Variants in ZNF831 observed in about 807,000 individuals in gnomAD.
ZNF831 encodes the protein chromosome 20 open reading frame 174.
A neutral mutation model predicts 95.8 loss-of-function variants in ZNF831; 59 were observed. That is an observed-to-expected ratio of 0.62 (90% CI 0.50 to 0.77). The LOEUF is 0.77. Ranked by LOEUF, ZNF831 falls within the 30% of genes least tolerant of loss-of-function variation. ZNF831 has a pLI of 0.00. For missense variants in ZNF831, 2,205 were observed against 2,164.0 expected (o/e 1.02, Z -0.38); for synonymous variants, 961 against 925.5 (o/e 1.04, Z -0.70).
intron 1 of ZNF831, among the ~76,000 whole-genome samples, chr20:59,129,718 C>G (rs1202193470): frequency 6.6e-6 from 1 of 152,212 alleles, no homozygotes; most frequent in Non-Finnish European, 1.5e-5. Flanking sequence ...TCCCTAACCT[C>G]TGGCCAGCAC....
At chr20:59,177,446 G>A (rs1386423179) in intron 1 of ZNF831, among the ~76,000 whole-genome samples, 1 of 152,210 alleles carries the variant, frequency 6.6e-6, no homozygotes. Context: ...TGCACTGGCT[G>A]TTTGCATCCA....
intron 1 of ZNF831, among the ~76,000 whole-genome samples, chr20:59,130,903 C>T (rs986276819): frequency 6.6e-6 from 1 of 152,122 alleles, no homozygotes; most frequent in Non-Finnish European, 1.5e-5. Flanking sequence ...TGGCTGAGCT[C>T]TGTGAGCCCC....
At position 59,134,135 on chromosome 20, in the gene ZNF831, A is replaced by G. The variant is rs573152031; in HGVS notation, c.-1425+10630A>G. Among the ~76,000 whole-genome samples, 16 of 152,326 alleles carry G rather than the reference A, an allele frequency of 1.1e-4. No individual in the cohort carries two copies. In the South Asian group the frequency reaches 2.9e-3, roughly 28 times the overall value. ...ACCCCAGAACCCTCTAATGTGGACT[A>G]TCATGCCCAGAATCTTGCTGAATGG... On this transcript the variant is annotated intron_variant, in intron 1 of 7. Transcript: ENST00000637017.
intron 1 of ZNF831, among the ~76,000 whole-genome samples, chr20:59,184,185 TC>T (rs1327130010): frequency 6.6e-6 from 1 of 152,224 alleles, no homozygotes; most frequent in Non-Finnish European, 1.5e-5. Flanking sequence ...TTCCTCTCTG[TC>T]TTTCTGTGGC....
chr20:59,180,901 C>T (rs769455810), intron 1 of ZNF831, among the ~76,000 whole-genome samples: 6 of 152,258 alleles, frequency 3.9e-5, no homozygotes, highest in South Asian at 2.1e-4. Context: ...GTCATGGGAT[C>T]GCTGGGTCAA....
At chr20:59,167,378 T>A (rs987718385) in intron 1 of ZNF831, among the ~76,000 whole-genome samples, 2 of 152,074 alleles carry the variant, frequency 1.3e-5, no homozygotes, top group African/African-American at 4.8e-5. Flanking sequence ...TTTCTCCAGA[T>A]CTGTAGCTAG....
intron 4 of ZNF831, among the ~76,000 whole-genome samples, chr20:59,246,081 G>C (rs73915988): frequency 0.014 from 2,185 of 152,258 alleles, 55 homozygotes; most frequent in African/African-American, 0.05. Context: ...GCCTGGGCCA[G>C]CTCACCTCTC....
intron 4 of ZNF831, among the ~76,000 whole-genome samples, chr20:59,232,374 CAA>C (rs1038865683): frequency 6.6e-6 from 1 of 151,904 alleles, no homozygotes; most frequent in Non-Finnish European, 1.5e-5. Flanking sequence ...GGAGCAGAGT[CAA>C]ATCATTATTG....
At chr20:59,162,715 G>T (rs1199750267), upstream of ZNF831, among the ~76,000 whole-genome samples, 1 of 152,160 alleles carries the variant, frequency 6.6e-6, no homozygotes, top group African/African-American at 2.4e-5. Context: ...ATAGTTTGAA[G>T]TCAGATAATG....
At chr20:59,167,164 A>G (rs1329488669) in intron 1 of ZNF831, among the ~76,000 whole-genome samples, 2 of 152,134 alleles carry the variant, frequency 1.3e-5, no homozygotes, top group African/African-American at 2.4e-5. Flanking sequence ...GCTTTAATTT[A>G]TATTTCCCAG....
Position 59,254,251 on chromosome 20 carries a change from A to C in ZNF831, c.4542A>C (p.Arg1514=), listed in dbSNP as rs1438391916. Residue 1514 remains arginine (R), a synonymous_variant, in exon 6 of 6, where the codon CGA becomes CGC. Coordinates refer to ENST00000371030, the MANE Select transcript of ZNF831 (RefSeq NM_178457.3). The surrounding 1 kb of genome is among the most constrained non-coding windows in gnomAD (Gnocchi z 4.5). ...IAQEIHSAES[R]DHSQTAGRTL... ...AGGAAATTCACAGTGCTGAATCACG[A>C]GACCACAGCCAGACTGCAGGGAGGA... The C allele has an allele frequency of 1.1e-5, 17 of 1,614,012 alleles. No individual in the cohort carries two copies. The highest frequency in any genetic ancestry group is 6.7e-5 in the Admixed American group (4 of 59,998).
chr20:59,209,291 G>A (rs1039561213), intron 4 of ZNF831, among the ~76,000 whole-genome samples: 2 of 152,238 alleles, frequency 1.3e-5, no homozygotes, highest in African/African-American at 4.8e-5. Flanking sequence ...CATACTGAGT[G>A]CCCATGAGTG....
At chr20:59,216,319 CA>C (rs56270927) in intron 4 of ZNF831, among the ~76,000 whole-genome samples, 2,259 of 152,322 alleles carry the variant, frequency 0.015, 15 homozygotes, top group South Asian at 0.03. Flanking sequence ...CAACATTCTG[CA>C]AAGACCCTCC....
chr20:59,128,306 G>A (rs77486284), intron 1 of ZNF831, among the ~76,000 whole-genome samples: 3,033 of 152,270 alleles, frequency 0.02, 39 homozygotes, highest in Middle Eastern at 0.048. Flanking sequence ...AGTGGCCAGC[G>A]TGCATACTCC....
chr20:59,206,868 A>C, intron 3 of ZNF831, 37 bp from the exon 4 acceptor site: 3 of 1,602,628 alleles, frequency 1.9e-6, no homozygotes, highest in Non-Finnish European at 2.6e-6. Flanking sequence ...TGTGCTCTCC[A>C]GGCTGGTTAC....
chr20:59,200,081 C>T (rs777917593), intron 3 of ZNF831, among the ~76,000 whole-genome samples: 4 of 152,178 alleles, frequency 2.6e-5, no homozygotes, highest in African/African-American at 4.8e-5. Context: ...TGTTAGACTA[C>T]TCATCTGTCT....
rs767838685 is a variant in ZNF831, at chr20:59,192,729, G to T, written c.1710G>T (p.Leu570=). 6.2e-7 allele frequency: 1 copy of T among 1,609,118 alleles called. No individual in the cohort carries two copies. ...TCAGACAGGCCGCGGTGGAGGACCT[G>T]CCAGGCACCCCCATTGGCGATGCCC... ...ALVRQAAVED[L]PGTPIGDALV... The change falls in exon 2 of 6, where the codon CTG becomes CTT. Residue 570 remains leucine (L), a synonymous_variant. Coordinates refer to ENST00000371030, the MANE Select transcript of ZNF831 (RefSeq NM_178457.3). This position sits in a 1 kb window ranked among gnomAD's most constrained non-coding sequence, Gnocchi z 5.2.
chr20:59,253,115 G>A lies in ZNF831; in HGVS notation c.4165G>A (p.Glu1389Lys), dbSNP rs754503516. 22 of 1,613,958 alleles carry A rather than the reference G, an allele frequency of 1.4e-5. No individual in the cohort carries two copies. The highest frequency in any genetic ancestry group is 1.9e-5 in the Non-Finnish European group (22 of 1,179,984). Residue 1389 changes from glutamate to lysine, a missense_variant, in exon 5 of 6, where the codon GAA becomes AAA. Transcript: ENST00000371030. ...TGGTACAAGTTCAAGAATTGTCAGG[G>A]AAATGGACAAACGAACTGTGAAGGT... ...SLGTSSRIVR[E>K]MDKRTVKDIS...
rs542926361 is a variant in ZNF831, at chr20:59,208,013, G to T, written c.4027+957G>T. 4.3e-4 allele frequency among the ~76,000 whole-genome samples: 65 copies of T among 152,346 alleles called. No homozygotes were observed. Among genetic ancestry groups the T allele is most frequent in the Non-Finnish European group, 8.5e-4 (58 of 68,034 alleles). Reference sequence around the variant, plus strand: ...TCCCCAACCCCCAGAGCCTTCCAGGGTAGGCAAGGACATGGAGTAGTCTTG... The same window carrying T: ...TCCCCAACCCCCAGAGCCTTCCAGGTTAGGCAAGGACATGGAGTAGTCTTG... On this transcript the variant is annotated intron_variant, in intron 4 of 5. Coordinates refer to ENST00000371030, the MANE Select transcript of ZNF831 (RefSeq NM_178457.3). This position sits in a 1 kb window ranked among gnomAD's most constrained non-coding sequence, Gnocchi z 4.2.
Sources: gnomAD v4.1 joint callset for allele counts (sites outside exome capture counted in the v4.1 genomes callset) on GRCh38, gnomAD v4.1.1 for gene constraint, Gnocchi (gnomAD v3.1) non-coding constraint, MANE v1.5 for transcripts, NCBI Gene and HGNC (gene_info 2026-07-23, HGNC 2026-07-21) for gene names.